The following ADPRH variants were observed in gnomAD, a reference collection of about 807,000 sequenced individuals.
The protein encoded by ADPRH is ADP-ribose-L-arginine cleaving enzyme.
A neutral mutation model predicts 28.8 loss-of-function variants in ADPRH; 27 were observed. The observed-to-expected ratio is 0.94, with a 90% CI of 0.69 to 1.29. The LOEUF (loss-of-function observed/expected upper bound fraction) is 1.29. Ranked by LOEUF, ADPRH falls within the 50% of genes most tolerant of loss-of-function variation. The pLI is 0.00. For missense variants in ADPRH, 419 were observed against 444.8 expected (o/e 0.94, Z 0.52); for synonymous variants, 161 against 166.9 (o/e 0.96, Z 0.27).
rs148728137 is a variant in ADPRH, at chr3:119,587,551, C to T, written c.747C>T (p.Phe249=). The change falls in exon 5 of 5, where the codon TTC becomes TTT. Residue 249 remains phenylalanine (F), a synonymous_variant. Coordinates refer to ENST00000357003, the MANE Select transcript of ADPRH (RefSeq NM_001125.4). ...CAGCCCCTACCTTCCCTGAGTCTTTCGGTGTGAAGGAGAGGGATCAGTTCT... is the reference window on the plus strand; with the variant it reads ...CAGCCCCTACCTTCCCTGAGTCTTTTGGTGTGAAGGAGAGGGATCAGTTCT... The part of the protein sequence containing the change: ...GESAPTFPES[F]GVKERDQFYT... 73 of 1,610,868 alleles carry T rather than the reference C, an allele frequency of 4.5e-5. 1 individual carries two copies. The Middle Eastern group carries it at 1.8e-3, about 40-fold the overall frequency.
intron 3 of ADPRH, among the ~76,000 whole-genome samples, chr3:119,584,534 G>A (rs2082440500): frequency 6.6e-6 from 1 of 152,170 alleles, no homozygotes; most frequent in African/African-American, 2.4e-5. Context: ...TTGGACTCCA[G>A]CCTGGGCGAC....
chr3:119,580,178 C>T (rs1310793495), intron 1 of ADPRH: 1 of 152,230 alleles, frequency 6.6e-6, no homozygotes, highest in Non-Finnish European at 1.5e-5. Context: ...CAGAAGCACA[C>T]ATTAGGGTGG....
At position 119,586,536 on chromosome 3, in the gene ADPRH, A is replaced by G. The variant is rs1435898523; in HGVS notation, c.550A>G (p.Asn184Asp). ...TGCTCTTTTTACAGCCTATGCTGTG[A>G]ATAGCAGACCACCCTTGCAGTGGGG... ...ASALFTAYAV[N>D]SRPPLQWGKG... Residue 184 changes from asparagine (N) to aspartate (D), a missense_variant, in exon 4 of 5, where the codon AAT becomes GAT. Physicochemically the swap from Asn to Asp is conservative, Grantham distance 23. Coordinates refer to ENST00000357003, the MANE Select transcript of ADPRH (RefSeq NM_001125.4). 1 of 1,614,070 alleles carries G rather than the reference A, an allele frequency of 6.2e-7. No individual in the cohort carries two copies. The highest frequency in any genetic ancestry group is 1.3e-5 in the African/African-American group (1 of 74,934).
chr3:119,585,255 A>G (rs2082447086), intron 3 of ADPRH, among the ~76,000 whole-genome samples: 1 of 152,216 alleles, frequency 6.6e-6, no homozygotes, highest in South Asian at 2.1e-4. Context: ...ATTTTTGTGA[A>G]AACACTGACC....
At chr3:119,582,577 A>C (rs1459944233) in intron 3 of ADPRH, 110 bp downstream of exon 3, 37 of 1,252,266 alleles carry the variant, frequency 3.0e-5, no homozygotes, top group Middle Eastern at 2.8e-4. Context: ...AGTGTTTGTA[A>C]ATGTGATAAA....
chr3:119,587,910 T>C lies in ADPRH; in HGVS notation c.*32T>C. 6.5e-7 allele frequency: 1 copy of C among 1,529,544 alleles called. No homozygotes were observed. Among genetic ancestry groups the C allele is most frequent in the Non-Finnish European group, 8.8e-7 (1 of 1,141,262 alleles). 94.7% of individuals were successfully genotyped at this position (1,529,544 alleles called of 1,614,324 possible). The stretch of plus-strand genomic sequence containing the variant: ...GTGATGTTCACTTCTGATGGATTCT[T>C]CTTTTGTGTATTTCCTTTTCTGCTA... On this transcript the variant is annotated 3_prime_UTR_variant, in exon 5 of 5. Coordinates refer to ENST00000357003, the MANE Select transcript of ADPRH (RefSeq NM_001125.4).
At chr3:119,581,345 G>A (rs2082403712) in intron 2 of ADPRH, among the ~76,000 whole-genome samples, 1 of 152,140 alleles carries the variant, frequency 6.6e-6, no homozygotes, top group African/African-American at 2.4e-5. Flanking sequence ...TGAGATTACA[G>A]GCGTGAGCCA....
intron 2 of ADPRH, 116 bp downstream of exon 2, chr3:119,580,752 C>T (rs1057429468): frequency 6.6e-5 from 10 of 152,140 alleles, no homozygotes; most frequent in Non-Finnish European, 1.2e-4. Flanking sequence ...GGGCTTTGAC[C>T]TGAAAGCCAC....
chr3:119,582,232 T>C lies in ADPRH; in HGVS notation c.63T>C (p.Asn21=). ...SAAGDALGYY[N]GKWEFLQDGE... is the part of the protein sequence containing the mutation. ...CTGGAGATGCCCTGGGGTACTACAA[T>C]GGGAAGTGGGAGTTCCTCCAGGATG... The change falls in exon 3 of 5, where the codon AAT becomes AAC. Residue 21 remains asparagine (N), a synonymous_variant. Transcript: ENST00000357003. The C allele has an allele frequency of 6.2e-7, 1 of 1,614,144 alleles. No individual in the cohort carries two copies. Among genetic ancestry groups the C allele is most frequent in the Non-Finnish European group, 8.5e-7 (1 of 1,180,004 alleles).
In ADPRH at chr3:119,586,633, A is replaced by G. The variant is rs1358364142; in HGVS notation, c.647A>G (p.Asn216Ser). The stretch of plus-strand genomic sequence containing the variant: ...CAATCAGGCTACTTTGTAGAGGAAA[A>G]TCTTCAACACTGGTGAGTCTGTAAG... ...IVQSGYFVEENLQHWSYFQTK... is the reference protein window; with the variant it reads ...IVQSGYFVEESLQHWSYFQTK... Residue 216 changes from asparagine to serine, a missense_variant, in exon 4 of 5, where the codon AAT becomes AGT. Transcript: ENST00000357003. 6.2e-7 allele frequency: 1 copy of G among 1,613,664 alleles called. No homozygotes were observed. The highest frequency in any genetic ancestry group is 8.5e-7 in the Non-Finnish European group (1 of 1,179,938).
intron 3 of ADPRH, 34 bp downstream of exon 3, chr3:119,582,501 A>G: frequency 1.3e-6 from 2 of 1,591,072 alleles, no homozygotes; most frequent in Non-Finnish European, 1.7e-6. Flanking sequence ...CAAGGAGGGC[A>G]AAGAATAAAA....
chr3:119,589,355 A>G lies in ADPRH; in HGVS notation c.*1477A>G, dbSNP rs2082494437. ...ATTTGGCCTGTTCTCAGGGGTGGGA[A>G]GGAAGAGCGTCCCTTCCTTCTCCTT... On this transcript the variant is annotated 3_prime_UTR_variant, in exon 5 of 5. Transcript: ENST00000357003. The G allele has an allele frequency of 6.6e-6, 1 of 152,218 alleles. No individual in the cohort carries two copies. Among genetic ancestry groups the G allele is most frequent in the South Asian group, 2.1e-4 (1 of 4,834 alleles). The allele number at this position is 152,218 out of a possible 1,614,324, so 9.4% of individuals were successfully genotyped here.
At chr3:119,582,563 CAAT>C in intron 3 of ADPRH, 96 bp downstream of exon 3, 1 of 1,274,330 alleles carries the variant, frequency 7.8e-7, no homozygotes, top group Non-Finnish European at 1.1e-6. Context: ...ATAACAGAGA[CAAT>C]AGTGTTTGTA....
At position 119,585,385 on chromosome 3, in the gene ADPRH, C is replaced by A. The variant is rs528330899; in HGVS notation, c.299-900C>A. On this transcript the variant is annotated intron_variant, in intron 3 of 4. Transcript: ENST00000357003. ...GACAAGCCTGCTTACGTCACTGTCA[C>A]GAGGGGATAGCCAAGGCCCAGAGGT... Among the ~76,000 whole-genome samples, 70 of 152,300 alleles carry A rather than the reference C, an allele frequency of 4.6e-4. 3 individuals are homozygous for A. The highest frequency in any genetic ancestry group is 3.4e-3 in the Middle Eastern group (1 of 294).
chr3:119,586,757 C>A, intron 4 of ADPRH, 112 bp downstream of exon 4: 2 of 1,436,586 alleles, frequency 1.4e-6, no homozygotes, highest in African/African-American at 2.9e-5. Context: ...ATGGTTTTCA[C>A]CCCCAGCCCC....
At position 119,589,726 on chromosome 3, in the gene ADPRH, A is replaced by G. The variant is rs1212381836; in HGVS notation, c.*1848A>G. ...TCACTCTTCATCACAGGCACATTTC[A>G]AAAAGAGGTTAGACTTTCAGACTTC... On this transcript the variant is annotated 3_prime_UTR_variant, in exon 5 of 5. Coordinates refer to ENST00000357003, the MANE Select transcript of ADPRH (RefSeq NM_001125.4). 1 of 152,208 alleles carries G rather than the reference A, an allele frequency of 6.6e-6. No individual in the cohort carries two copies. Among genetic ancestry groups the G allele is most frequent in the Non-Finnish European group, 1.5e-5 (1 of 68,038 alleles). The allele number at this position is 152,208 out of a possible 1,614,324, so 9.4% of individuals were successfully genotyped here.
intron 2 of ADPRH, 114 bp from the exon 3 acceptor site, chr3:119,582,020 C>T: frequency 2.5e-6 from 2 of 786,368 alleles, no homozygotes; most frequent in Non-Finnish European, 4.0e-6. Context: ...TGAGATGCCA[C>T]TGATACAATG....
At chr3:119,581,090 C>CA (rs1483623683) in intron 2 of ADPRH, among the ~76,000 whole-genome samples, 2 of 118,940 alleles carry the variant, frequency 1.7e-5, no homozygotes, top group East Asian at 5.2e-4. Context: ...TTTTTTGAGA[C>CA]AGAGTCTTGG....
At chr3:119,587,357 C>G (rs569571416) in intron 4 of ADPRH, 107 bp from the exon 5 acceptor site, 5 of 850,732 alleles carry the variant, frequency 5.9e-6, no homozygotes, top group Non-Finnish European at 8.5e-6. Context: ...TGCAAGAAGC[C>G]GAAGTTATGT....
Sources: allele counts gnomAD v4.1 joint callset (sites outside exome capture counted in the v4.1 genomes callset), GRCh38; gene constraint gnomAD v4.1.1; transcripts MANE v1.5; gene names NCBI Gene and HGNC (gene_info 2026-07-23, HGNC 2026-07-21).